Variants in WDFY3 observed in about 807,000 individuals in gnomAD.
WDFY3 encodes the protein WD repeat and FYVE domain-containing protein 3.
A neutral mutation model predicts 409.6 loss-of-function variants in WDFY3; 66 were observed. The observed-to-expected ratio is 0.16, with a 90% CI of 0.13 to 0.20. WDFY3 has a LOEUF of 0.20. WDFY3 is among the 10% of genes least tolerant of loss of function. WDFY3 has a pLI of 1.00. For missense variants in WDFY3, 3,031 were observed against 4,298.1 expected (o/e 0.71, Z 8.24); for synonymous variants, 1,521 against 1,537.1 (o/e 0.99, Z 0.25).
chr4:84,938,981 T>C (rs1415373347), intron 1 of WDFY3, among the ~76,000 whole-genome samples: 1 of 152,162 alleles, frequency 6.6e-6, no homozygotes, highest in African/African-American at 2.4e-5. Flanking sequence ...ATCTATTCTA[T>C]GGTCTATATT....
intron 16 of WDFY3, 81 bp downstream of exon 16, chr4:84,803,208 AC>A (rs1750931408): frequency 3.6e-6 from 5 of 1,372,476 alleles, no homozygotes; most frequent in Non-Finnish European, 4.8e-6. Flanking sequence ...TTCTTCCTCA[AC>A]CCCCTAGCTC....
At chr4:84,784,091 T>G (rs921735824) in intron 24 of WDFY3, among the ~76,000 whole-genome samples, 1 of 152,170 alleles carries the variant, frequency 6.6e-6, no homozygotes, top group Non-Finnish European at 1.5e-5. Context: ...CAGTGAATCC[T>G]TGATCTTACA....
At chr4:84,789,331 T>C (rs544746255) in intron 22 of WDFY3, among the ~76,000 whole-genome samples, 2 of 152,240 alleles carry the variant, frequency 1.3e-5, no homozygotes, top group East Asian at 3.9e-4. Flanking sequence ...AAAAAACAAT[T>C]CTAGCTCTAA....
chr4:84,729,377 T>C (rs1290066730), intron 44 of WDFY3, among the ~76,000 whole-genome samples: 1 of 151,890 alleles, frequency 6.6e-6, no homozygotes, highest in African/African-American at 2.4e-5. Context: ...GTATAATTCA[T>C]TTGTTTTAAT....
intron 57 of WDFY3, among the ~76,000 whole-genome samples, chr4:84,696,506 G>A (rs1294988176): frequency 6.6e-6 from 1 of 151,936 alleles, no homozygotes; most frequent in African/African-American, 2.4e-5. Context: ...CTTTATCAGA[G>A]CTATATATGT....
chr4:84,797,681 C>A (rs903470099), intron 18 of WDFY3, among the ~76,000 whole-genome samples: 1 of 151,744 alleles, frequency 6.6e-6, no homozygotes, highest in African/African-American at 2.4e-5. Flanking sequence ...CCCGGGTTCA[C>A]GCCATTCTCC....
rs556900609 is a variant in WDFY3 at position 84,881,625 on chromosome 4, G to A, written c.-32+15286C>T. On this transcript the variant is annotated intron_variant, in intron 3 of 67. Transcript: ENST00000295888. ...TGTTAAGCCAGGTGCAGTGGCTCAC[G>A]CCTGTAATCCCAACACTTTGGGAGG... 1.3e-4 allele frequency among the ~76,000 whole-genome samples: 19 copies of A among 151,332 alleles called. No individual in the cohort carries two copies. The East Asian group carries it at 3.7e-3, about 30-fold the overall frequency.
intron 23 of WDFY3, 131 bp from the exon 24 acceptor site, chr4:84,786,270 A>G: frequency 1.2e-6 from 1 of 834,146 alleles, no homozygotes; most frequent in East Asian, 2.9e-5. Context: ...GGTAAATTTA[A>G]AAACTATCTT....
chr4:84,756,952 T>A lies in WDFY3; in HGVS notation c.5398A>T (p.Ser1800Cys). The change falls in exon 33 of 68, where the codon AGC (serine) becomes TGC (cysteine). Residue 1800 changes from serine (S) to cysteine (C), a missense_variant. Ser to Cys is a moderately radical substitution (Grantham distance 112). This residue lies in a region of WDFY3 where 342 missense variants were observed against 463.7 expected (regional missense o/e 0.74). Transcript: ENST00000295888. ...ENLQVSVPVI[S>C]CRSKQGCQFD... Reference sequence around the variant, plus strand: ...TGGCAACCCTGCTTACTCCGGCAGCTGATGACAGGCACACTGACCTGCAGG... The same window carrying A: ...TGGCAACCCTGCTTACTCCGGCAGCAGATGACAGGCACACTGACCTGCAGG... The A allele has an allele frequency of 6.2e-7, 1 of 1,614,032 alleles. No homozygotes were observed. Among genetic ancestry groups the A allele is most frequent in the South Asian group, 1.1e-5 (1 of 91,086 alleles).
intron 4 of WDFY3, among the ~76,000 whole-genome samples, chr4:84,859,883 T>C (rs564271010): frequency 1.3e-5 from 2 of 152,294 alleles, no homozygotes; most frequent in East Asian, 1.9e-4. Context: ...CCTAAAAAAA[T>C]TGTTATTTTA....
chr4:84,870,673 G>T (rs1317356217), intron 3 of WDFY3, among the ~76,000 whole-genome samples: 1 of 152,042 alleles, frequency 6.6e-6, no homozygotes, highest in African/African-American at 2.4e-5. Context: ...TATCTTTCCT[G>T]GGGGAAGGGC....
chr4:84,861,114 G>A lies in WDFY3; in HGVS notation c.-31-492C>T, dbSNP rs1578860350. 2.6e-5 allele frequency among the ~76,000 whole-genome samples: 4 copies of A among 152,252 alleles called. No individual in the cohort carries two copies. In the South Asian group the frequency reaches 8.3e-4, roughly 32 times the overall value. On this transcript the variant is annotated intron_variant, in intron 3 of 67. Transcript: ENST00000295888. Reference sequence around the variant, plus strand: ...TAGTCCCAAGTACTCAGGAGGCTGAGGTGGGAAGATAACTTGAGCCTGAGA... The same window carrying A: ...TAGTCCCAAGTACTCAGGAGGCTGAAGTGGGAAGATAACTTGAGCCTGAGA...
At chr4:84,859,954 T>G (rs963378234) in intron 4 of WDFY3, among the ~76,000 whole-genome samples, 1 of 152,220 alleles carries the variant, frequency 6.6e-6, no homozygotes, top group Non-Finnish European at 1.5e-5. Flanking sequence ...TTAACTCTAT[T>G]TGAATTATCT....
Position 84,889,791 on chromosome 4 carries a change from T to G in WDFY3, c.-32+7120A>C, listed in dbSNP as rs74910157. ...GAATATATGTGATATGACTACCACA[T>G]GGAAGGCAATCAATGTTTAGTTATG... On this transcript the variant is annotated intron_variant, in intron 3 of 67. Coordinates refer to ENST00000295888, the MANE Select transcript of WDFY3 (RefSeq NM_014991.6). Among the ~76,000 whole-genome samples the G allele has an allele frequency of 7.3e-3, 1,109 of 152,238 alleles. 12 individuals carry two copies. Among genetic ancestry groups the G allele is most frequent in the African/African-American group, 0.026 (1,063 of 41,528 alleles).
chr4:84,914,505 T>C (rs1768213629), intron 2 of WDFY3, among the ~76,000 whole-genome samples: 1 of 152,184 alleles, frequency 6.6e-6, no homozygotes, highest in South Asian at 2.1e-4. Context: ...ACATAAATTT[T>C]CGACTGGAGG....
intron 22 of WDFY3, 141 bp downstream of exon 22, chr4:84,789,585 T>C (rs1578525126): frequency 2.3e-6 from 2 of 887,618 alleles, no homozygotes; most frequent in Non-Finnish European, 1.7e-6. Flanking sequence ...AAATGGGTAC[T>C]GAATATCAAC....
At chr4:84,868,125 TCA>T (rs1164267832) in intron 3 of WDFY3, among the ~76,000 whole-genome samples, 2 of 118,228 alleles carry the variant, frequency 1.7e-5, no homozygotes, top group Non-Finnish European at 3.2e-5. Flanking sequence ...TGAGCCGAGA[TCA>T]TGCCACTGCA....
At chr4:84,687,552 G>A (rs987336536) in intron 62 of WDFY3, among the ~76,000 whole-genome samples, 2 of 152,268 alleles carry the variant, frequency 1.3e-5, no homozygotes, top group Non-Finnish European at 2.9e-5. Context: ...ACTGCATGGA[G>A]CAGTGAATGG....
At chr4:84,770,567 T>C (rs3098930) in intron 30 of WDFY3, among the ~76,000 whole-genome samples, 23,216 of 152,182 alleles carry the variant, frequency 0.15, 2,381 homozygotes, top group Non-Finnish European at 0.23. Flanking sequence ...TATATACTTC[T>C]ACTTGTTTGG....
Sources: gnomAD v4.1 joint callset for allele counts (sites outside exome capture counted in the v4.1 genomes callset) on GRCh38, gnomAD v4.1.1 for gene constraint, gnomAD v4.1.1 regional missense constraint, MANE v1.5 for transcripts, NCBI Gene and HGNC (gene_info 2026-07-23, HGNC 2026-07-21) for gene names.